Variants in IL1R1 observed in about 807,000 individuals in gnomAD.
IL1R1 encodes the protein interleukin 1 receptor type 1.
In IL1R1, 22 loss-of-function variants were observed where a neutral mutation model predicts 50.2. That is an observed-to-expected ratio of 0.44 (90% CI 0.31 to 0.63). The LOEUF is 0.63. Among genes scored for constraint, IL1R1 ranks in the 20% least tolerant of loss-of-function variants. The pLI is 0.07. For synonymous variants in IL1R1, 251 were observed against 236.7 expected, an observed-to-expected ratio of 1.06 and a Z score of -0.55; for missense variants, 509 against 676.2, an observed-to-expected ratio of 0.75 and a Z score of 2.74.
intron 1 of IL1R1, among the ~76,000 whole-genome samples, chr2:102,109,860 G>C (rs893143020): frequency 8.5e-5 from 13 of 152,166 alleles, no homozygotes; most frequent in Non-Finnish European, 1.9e-4. Context: ...TGCTAGCTTG[G>C]GGGCCAAGGG....
intron 1 of IL1R1, among the ~76,000 whole-genome samples, chr2:102,091,636 A>G (rs1679670519): frequency 6.6e-6 from 1 of 152,166 alleles, no homozygotes; most frequent in African/African-American, 2.4e-5. Flanking sequence ...GAATATTTCA[A>G]GTTCTCTCTT....
At chr2:102,171,757 G>GA in intron 7 of IL1R1, 44 bp from the exon 8 acceptor site, 2 of 1,184,652 alleles carry the variant, frequency 1.7e-6, no homozygotes, top group Admixed American at 1.9e-5. Flanking sequence ...AGATAGATCA[G>GA]AAAAAATCAA....
At chr2:102,160,149 T>G (rs181260474) in intron 3 of IL1R1, among the ~76,000 whole-genome samples, 4 of 152,308 alleles carry the variant, frequency 2.6e-5, no homozygotes, top group Admixed American at 2.6e-4. Flanking sequence ...AAGGGAGCTT[T>G]AATAGTCTGG....
intron 1 of IL1R1, among the ~76,000 whole-genome samples, chr2:102,144,131 C>T (rs1187293628): frequency 6.6e-6 from 1 of 152,206 alleles, no homozygotes; most frequent in African/African-American, 2.4e-5. Context: ...CTTTCTCAAT[C>T]CCTTCTAATT....
intron 1 of IL1R1, among the ~76,000 whole-genome samples, chr2:102,087,597 C>T (rs949813599): frequency 3.3e-5 from 5 of 152,250 alleles, no homozygotes. Flanking sequence ...GAGCTGTTCT[C>T]ATGATAGTGA....
chr2:102,098,625 G>C (rs539123317), intron 1 of IL1R1, among the ~76,000 whole-genome samples: 1 of 152,172 alleles, frequency 6.6e-6, no homozygotes, highest in South Asian at 2.1e-4. Context: ...GTATGATTAT[G>C]AAAGCCATAT....
chr2:102,101,710 C>G (rs1301550608), upstream of IL1R1, among the ~76,000 whole-genome samples: 3 of 152,140 alleles, frequency 2.0e-5, no homozygotes, highest in Non-Finnish European at 2.9e-5. Context: ...TATGTATAAA[C>G]ACAGACATTC....
At chr2:102,126,957 G>A (rs980371061) in intron 1 of IL1R1, among the ~76,000 whole-genome samples, 8 of 152,182 alleles carry the variant, frequency 5.3e-5, no homozygotes, top group African/African-American at 1.7e-4. Flanking sequence ...TCTCTTCCCA[G>A]CCCTTTTAAT....
At chr2:102,158,833 A>G (rs1361434027) in intron 3 of IL1R1, among the ~76,000 whole-genome samples, 2 of 152,194 alleles carry the variant, frequency 1.3e-5, no homozygotes, top group African/African-American at 4.8e-5. Flanking sequence ...CGAGGGAGCC[A>G]AAGAGAGAAA....
Position 102,177,377 on chromosome 2 carries a change from T to G in IL1R1, c.*618T>G, listed in dbSNP as rs1199738503. 1 of 156,148 alleles carries G rather than the reference T, an allele frequency of 6.4e-6. No individual in the cohort carries two copies. The highest frequency in any genetic ancestry group is 1.4e-5 in the Non-Finnish European group (1 of 69,308). 9.7% of individuals were successfully genotyped at this position (156,148 alleles called of 1,614,324 possible). A position where few individuals can be genotyped will look rare whatever the true frequency, so the allele number is the denominator to read the frequency against. ...GAAATAGCCACCGTCTACAGATGGCTTAGTTAAGTCATCCACAGCCCAAGG... is the reference window on the plus strand; with the variant it reads ...GAAATAGCCACCGTCTACAGATGGCGTAGTTAAGTCATCCACAGCCCAAGG... On this transcript the variant is annotated 3_prime_UTR_variant, in exon 12 of 12. Coordinates refer to ENST00000410023, the MANE Select transcript of IL1R1 (RefSeq NM_000877.4).
In IL1R1 at chr2:102,176,627, A is replaced by G; in HGVS notation, c.1578A>G (p.Ala526=). 6.2e-7 allele frequency: 1 copy of G among 1,614,210 alleles called. No homozygotes were observed. Among genetic ancestry groups the G allele is most frequent in the Non-Finnish European group, 8.5e-7 (1 of 1,180,018 alleles). The change falls in exon 12 of 12, where the codon GCA becomes GCG. Residue 526 remains alanine, a synonymous_variant. Transcript: ENST00000410023. The part of the protein sequence containing the change: ...SGDFTQGPQS[A]KTRFWKNVRY... Reference sequence around the variant, plus strand: ...ACTTTACACAGGGACCACAGTCTGCAAAGACAAGGTTCTGGAAGAATGTCA... The same window carrying G: ...ACTTTACACAGGGACCACAGTCTGCGAAGACAAGGTTCTGGAAGAATGTCA...
intron 1 of IL1R1, among the ~76,000 whole-genome samples, chr2:102,096,693 G>A (rs899337106): frequency 6.6e-6 from 1 of 151,788 alleles, no homozygotes; most frequent in Non-Finnish European, 1.5e-5. Flanking sequence ...CTTTTGGTGA[G>A]TGGAAGTTTT....
At chr2:102,129,821 C>T (rs946071375) in intron 1 of IL1R1, among the ~76,000 whole-genome samples, 1 of 152,128 alleles carries the variant, frequency 6.6e-6, no homozygotes, top group African/African-American at 2.4e-5. Context: ...AAGACACCTT[C>T]GTACTCTTAA....
At chr2:102,172,645 C>G in intron 8 of IL1R1, 42 bp from the exon 9 acceptor site, 1 of 1,517,824 alleles carries the variant, frequency 6.6e-7, no homozygotes, top group South Asian at 1.2e-5. Flanking sequence ...GTAGTTGATG[C>G]AATTAACTTA....
upstream of IL1R1, among the ~76,000 whole-genome samples, chr2:102,103,221 T>C (rs1003968899): frequency 2.0e-5 from 3 of 152,176 alleles, no homozygotes; most frequent in Non-Finnish European, 4.4e-5. Context: ...CTGTAAGTGC[T>C]CACTTCTGCT....
upstream of IL1R1, among the ~76,000 whole-genome samples, chr2:102,100,130 C>T (rs1042103545): frequency 9.2e-5 from 14 of 152,208 alleles, no homozygotes; most frequent in Non-Finnish European, 2.1e-4. Context: ...TGCACATCGT[C>T]GGGTTCTTTT....
At chr2:102,126,356 A>G (rs756002959) in intron 1 of IL1R1, among the ~76,000 whole-genome samples, 1 of 152,240 alleles carries the variant, frequency 6.6e-6, no homozygotes, top group Non-Finnish European at 1.5e-5. Context: ...AAATAACATG[A>G]GTGGCATTGC....
chr2:102,082,648 G>A (rs1679264926), intron 1 of IL1R1, among the ~76,000 whole-genome samples: 1 of 143,012 alleles, frequency 7.0e-6, no homozygotes, highest in African/African-American at 2.5e-5. Flanking sequence ...CAGAACAAAC[G>A]CCCTGGAGAC....
rs779209323 is a variant in IL1R1, at chr2:102,165,125, T to G, written c.307T>G (p.Tyr103Asp). The G allele has an allele frequency of 1.3e-6, 2 of 1,570,874 alleles. No individual in the cohort carries two copies. The highest frequency in any genetic ancestry group is 1.7e-6 in the Non-Finnish European group (2 of 1,162,344). Residue 103 changes from tyrosine to aspartate, a missense_variant, in exon 5 of 12, where the codon TAC becomes GAC. By Grantham distance (160) the Tyr-to-Asp change is radical. Transcript: ENST00000410023. ...TTTATTTTATTTTAGAAATTCATCT[T>G]ACTGCCTCAGAATTAAAATAAGTGC... is the stretch of plus-strand genomic sequence containing the variant. Reference protein sequence around the residue: ...HYYCVVRNSSYCLRIKISAKF... With the variant: ...HYYCVVRNSSDCLRIKISAKF...
Sources: gnomAD v4.1 joint callset for allele counts (sites outside exome capture counted in the v4.1 genomes callset) on GRCh38, gnomAD v4.1.1 for gene constraint, MANE v1.5 for transcripts, NCBI Gene and HGNC (gene_info 2026-07-23, HGNC 2026-07-21) for gene names.